CACNA2D1: variants seen among roughly 807,000 people sequenced by gnomAD.
The protein encoded by CACNA2D1 is voltage-dependent calcium channel subunit alpha-2/delta-1.
In CACNA2D1, 53 loss-of-function variants were observed where a neutral mutation model predicts 171.5. That is an observed-to-expected ratio of 0.31 (90% confidence interval 0.25 to 0.39). The LOEUF (loss-of-function observed/expected upper bound fraction) is 0.39, where lower values mean the gene tolerates loss of function less well. Ranked by LOEUF, CACNA2D1 falls within the 10% of genes least tolerant of loss-of-function variation. The probability of loss-of-function intolerance (pLI) is 1.00; values close to 1 mark genes in which losing one functional copy is unlikely to be tolerated. For synonymous variants in CACNA2D1, 442 were observed against 443.1 expected (o/e 1.00, Z 0.03); for missense variants, 903 against 1,299.8 (o/e 0.69, Z 4.69).
intron 4 of CACNA2D1, among the ~76,000 whole-genome samples, chr7:82,148,652 T>A (rs1450261585): frequency 6.6e-6 from 1 of 152,188 alleles, no homozygotes; most frequent in African/African-American, 2.4e-5. Flanking sequence ...TTTTTGTTTT[T>A]TTGGAGATGG....
intron 1 of CACNA2D1, among the ~76,000 whole-genome samples, chr7:82,371,038 CAT>C (rs1388302471): frequency 2.6e-5 from 4 of 152,122 alleles, no homozygotes; most frequent in African/African-American, 7.2e-5. Flanking sequence ...TGAAAAGACA[CAT>C]GTGAACTGTT....
At chr7:82,322,735 CAT>C (rs1226837599) in intron 3 of CACNA2D1, among the ~76,000 whole-genome samples, 1 of 152,074 alleles carries the variant, frequency 6.6e-6, no homozygotes, top group Admixed American at 6.6e-5. Flanking sequence ...TTTAAAGAAT[CAT>C]AGAAATCTTA....
rs1793820217 is a variant in CACNA2D1 at position 81,959,367 on chromosome 7, A to C, written c.3077-10T>G. ...GGATTTGGACCGTCAGCTAAAAGAG[A>C]CTTGTTAAGGAATCTCATGTTAGTT... On this transcript the variant is annotated splice_polypyrimidine_tract_variant and intron_variant, in intron 37 of 38. Coordinates refer to ENST00000356860, the MANE Select transcript of CACNA2D1 (RefSeq NM_000722.4). 1.0e-5 allele frequency: 16 copies of C among 1,582,506 alleles called. No homozygotes were observed. The highest frequency in any genetic ancestry group is 1.4e-5 in the Non-Finnish European group (16 of 1,151,258).
At chr7:82,378,051 CT>C (rs1823223187) in intron 1 of CACNA2D1, among the ~76,000 whole-genome samples, 1 of 152,092 alleles carries the variant, frequency 6.6e-6, no homozygotes, top group Non-Finnish European at 1.5e-5. Flanking sequence ...TTAGCATTAC[CT>C]TTCTCTTAGG....
chr7:82,180,615 A>G (rs1185152826), intron 3 of CACNA2D1, among the ~76,000 whole-genome samples: 1 of 152,196 alleles, frequency 6.6e-6, no homozygotes, highest in African/African-American at 2.4e-5. Flanking sequence ...GAAAGCAAGA[A>G]AGCCACTCTC....
intron 6 of CACNA2D1, among the ~76,000 whole-genome samples, chr7:82,114,158 A>T: frequency 6.6e-6 from 1 of 152,296 alleles, no homozygotes; most frequent in Non-Finnish European, 1.5e-5. Context: ...ATTGTAGCAT[A>T]CTAAGATATA....
intron 12 of CACNA2D1, among the ~76,000 whole-genome samples, chr7:82,015,546 A>G (rs1800344550): frequency 6.6e-6 from 1 of 151,628 alleles, no homozygotes; most frequent in Middle Eastern, 3.4e-3. Flanking sequence ...ACCTATACTT[A>G]ATAAAATTAT....
chr7:82,217,879 G>A (rs1801328059), intron 3 of CACNA2D1, among the ~76,000 whole-genome samples: 1 of 148,656 alleles, frequency 6.7e-6, no homozygotes, highest in South Asian at 2.2e-4. Context: ...TTTAATGTGG[G>A]AGGCACTATG....
Position 81,947,312 on chromosome 7 carries a change from A to G in CACNA2D1, c.*3080T>C, listed in dbSNP as rs1395333872. 2.0e-5 allele frequency: 3 copies of G among 151,728 alleles called. No homozygotes were observed. The highest frequency in any genetic ancestry group is 7.2e-5 in the African/African-American group (3 of 41,380). The allele number at this position is 151,728 out of a possible 1,614,324, so 9.4% of individuals were successfully genotyped here. A position where few individuals can be genotyped will look rare whatever the true frequency, so the allele number is the denominator to read the frequency against. ...TATTATAGGAAAACTTACAAATGGC[A>G]GGAACACTGTTTTTTGTTTTTTTTT... is the stretch of plus-strand genomic sequence containing the variant. On this transcript the variant is annotated 3_prime_UTR_variant, in exon 39 of 39. Transcript: ENST00000356860.
intron 1 of CACNA2D1, among the ~76,000 whole-genome samples, chr7:82,441,394 AAT>A (rs1214711111): frequency 6.6e-6 from 1 of 152,108 alleles, no homozygotes; most frequent in Non-Finnish European, 1.5e-5. Flanking sequence ...TTAAATAATC[AAT>A]GTCTTATATA....
chr7:82,271,451 T>C (rs1808624407), intron 3 of CACNA2D1, among the ~76,000 whole-genome samples: 1 of 152,144 alleles, frequency 6.6e-6, no homozygotes, highest in Non-Finnish European at 1.5e-5. Flanking sequence ...TTAATTATAA[T>C]TGTATTCATT....
At position 81,950,308 on chromosome 7, in the gene CACNA2D1, G is replaced by C; in HGVS notation, c.*84C>G. 3.7e-6 allele frequency: 6 copies of C among 1,611,370 alleles called. No individual in the cohort carries two copies. The highest frequency in any genetic ancestry group is 1.1e-5 in the South Asian group (1 of 90,894). On this transcript the variant is annotated 3_prime_UTR_variant, in exon 39 of 39. Coordinates refer to ENST00000356860, the MANE Select transcript of CACNA2D1 (RefSeq NM_000722.4). ...CTAATGTTTGTCTGATTTTATAGCT[G>C]ACCCTACGTTACTGTAATTGAGGGC...
intron 10 of CACNA2D1, among the ~76,000 whole-genome samples, chr7:82,060,201 T>TAATATATATATAATATATATATTA: frequency 9.6e-5 from 1 of 10,424 alleles, no homozygotes; most frequent in South Asian, 6.3e-3. Context: ...TATATATATA[T>TAATATATATATAATATATATATTA]TATATATATA....
At chr7:81,997,053 C>G in intron 19 of CACNA2D1, 126 bp downstream of exon 19, 1 of 707,786 alleles carries the variant, frequency 1.4e-6, no homozygotes, top group Non-Finnish European at 2.6e-6. Context: ...AAAGAACATT[C>G]ATCTTTGTGT....
At chr7:82,002,561 A>G (rs1798719537) in intron 18 of CACNA2D1, among the ~76,000 whole-genome samples, 1 of 152,220 alleles carries the variant, frequency 6.6e-6, no homozygotes, top group South Asian at 2.1e-4. Flanking sequence ...ATAACAGTGT[A>G]GATTTATTTT....
chr7:82,343,739 T>C (rs1818943722), intron 2 of CACNA2D1, among the ~76,000 whole-genome samples: 1 of 152,152 alleles, frequency 6.6e-6, no homozygotes, highest in South Asian at 2.1e-4. Context: ...AATACACATT[T>C]TGGCCAGAAA....
Position 81,948,286 on chromosome 7 carries a change from A to C in CACNA2D1, c.*2106T>G, listed in dbSNP as rs1349521257. The C allele has an allele frequency of 6.6e-6, 1 of 151,896 alleles. No homozygotes were observed. The highest frequency in any genetic ancestry group is 2.4e-5 in the African/African-American group (1 of 41,428). 9.4% of individuals were successfully genotyped at this position (151,896 alleles called of 1,614,324 possible). On this transcript the variant is annotated 3_prime_UTR_variant, in exon 39 of 39. Coordinates refer to ENST00000356860, the MANE Select transcript of CACNA2D1 (RefSeq NM_000722.4). ...ACAACATGATTAAAACATTGTTACTAGAGTGAGAAGTTTTTTTCCCCACAT... is the reference window on the plus strand; with the variant it reads ...ACAACATGATTAAAACATTGTTACTCGAGTGAGAAGTTTTTTTCCCCACAT...
At chr7:82,349,999 T>C (rs1819668871) in intron 1 of CACNA2D1, among the ~76,000 whole-genome samples, 1 of 152,220 alleles carries the variant, frequency 6.6e-6, no homozygotes, top group East Asian at 1.9e-4. Flanking sequence ...CTTACAAGTC[T>C]TCTGAATATA....
chr7:82,048,397 T>C (rs1210845469), intron 10 of CACNA2D1, among the ~76,000 whole-genome samples: 1 of 152,180 alleles, frequency 6.6e-6, no homozygotes, highest in Non-Finnish European at 1.5e-5. Flanking sequence ...GAATTAGTTG[T>C]AGAAAAAATT....
Sources: allele counts gnomAD v4.1 joint callset (sites outside exome capture counted in the v4.1 genomes callset), GRCh38; gene constraint gnomAD v4.1.1; transcripts MANE v1.5; gene names NCBI Gene and HGNC (gene_info 2026-07-23, HGNC 2026-07-21).